Variants in DAB1 observed in about 807,000 individuals in gnomAD.
DAB1 encodes disabled homolog 1.
A neutral mutation model predicts 64.6 loss-of-function variants in DAB1; 15 were observed. The observed-to-expected ratio is 0.23, with a 90% CI of 0.16 to 0.36. The LOEUF (loss-of-function observed/expected upper bound fraction) is 0.36. Among genes scored for constraint, DAB1 ranks in the 10% least tolerant of loss-of-function variants. The probability of loss-of-function intolerance (pLI) is 1.00; values close to 1 mark genes in which losing one functional copy is unlikely to be tolerated. For missense variants in DAB1, 596 were observed against 706.7 expected (o/e 0.84, Z 1.78); for synonymous variants, 235 against 251.9 (o/e 0.93, Z 0.64).
At chr1:58,270,267 T>G (rs1007652460) in intron 4 of DAB1, among the ~76,000 whole-genome samples, 18 of 139,720 alleles carry the variant, frequency 1.3e-4, no homozygotes, top group Admixed American at 7.2e-5. Context: ...CCAGCACCAT[T>G]TATTAAATAG....
At chr1:57,462,713 G>A (rs781742021) in intron 7 of DAB1, among the ~76,000 whole-genome samples, 8 of 152,152 alleles carry the variant, frequency 5.3e-5, no homozygotes, top group Non-Finnish European at 1.0e-4. Context: ...TCTCGGGAGT[G>A]ATGGTGCTAA....
intron 2 of DAB1, among the ~76,000 whole-genome samples, chr1:57,272,370 G>A (rs1179637681): frequency 2.6e-5 from 4 of 152,270 alleles, no homozygotes; most frequent in Middle Eastern, 3.4e-3. Context: ...GGATGGATGC[G>A]CATCCCACAC....
intron 6 of DAB1, among the ~76,000 whole-genome samples, chr1:57,786,415 T>C (rs549341466): frequency 5.3e-5 from 8 of 152,296 alleles, no homozygotes; most frequent in East Asian, 3.9e-4. Flanking sequence ...TCTTTTCAAG[T>C]CTTAATTTTA....
At chr1:57,610,674 C>CA (rs1219352941) in intron 7 of DAB1, among the ~76,000 whole-genome samples, 1 of 152,188 alleles carries the variant, frequency 6.6e-6, no homozygotes, top group Non-Finnish European at 1.5e-5. Flanking sequence ...CTTCACAGGG[C>CA]AGCAGGAGAG....
chr1:58,118,503 T>TATATATATATATATATATACAC (rs1341446315), intron 5 of DAB1, among the ~76,000 whole-genome samples: 3 of 53,106 alleles, frequency 5.6e-5, no homozygotes, highest in Non-Finnish European at 8.8e-5. Flanking sequence ...TATATATATA[T>TATATATATATATATATATACAC]ACACACACAC....
intron 1 of DAB1, among the ~76,000 whole-genome samples, chr1:57,347,083 C>G (rs1031880792): frequency 2.6e-5 from 4 of 152,134 alleles, no homozygotes; most frequent in Admixed American, 2.0e-4. Flanking sequence ...TGTGATTACA[C>G]AAAGGCAGGA....
chr1:58,331,140 T>C (rs938686467), intron 4 of DAB1, among the ~76,000 whole-genome samples: 1 of 152,194 alleles, frequency 6.6e-6, no homozygotes, highest in South Asian at 2.1e-4. Flanking sequence ...TAACAGGCTG[T>C]TGGAAGAAGT....
intron 1 of DAB1, among the ~76,000 whole-genome samples, chr1:58,532,489 GT>G (rs1273917332): frequency 6.6e-6 from 1 of 152,110 alleles, no homozygotes; most frequent in African/African-American, 2.4e-5. Context: ...CTGCTTAGAC[GT>G]ATTCTTGTGT....
chr1:58,088,525 C>A (rs998193235), intron 5 of DAB1, among the ~76,000 whole-genome samples: 1 of 152,132 alleles, frequency 6.6e-6, no homozygotes, highest in African/African-American at 2.4e-5. Context: ...GTTTAGCACA[C>A]GCTTGACCCC....
At chr1:57,328,581 A>C (rs2100788607) in intron 1 of DAB1, among the ~76,000 whole-genome samples, 1 of 152,324 alleles carries the variant, frequency 6.6e-6, no homozygotes, top group East Asian at 1.9e-4. Flanking sequence ...GGTCACATTT[A>C]CTTCAAACAT....
chr1:58,158,717 C>T (rs1006238848), intron 4 of DAB1, among the ~76,000 whole-genome samples: 1 of 152,146 alleles, frequency 6.6e-6, no homozygotes, highest in Non-Finnish European at 1.5e-5. Context: ...AGATCATACC[C>T]CGGAAGGAGG....
intron 5 of DAB1, among the ~76,000 whole-genome samples, chr1:58,054,927 C>T (rs1030504146): frequency 6.6e-6 from 1 of 152,240 alleles, no homozygotes; most frequent in Admixed American, 6.5e-5. Flanking sequence ...CAGCCACATT[C>T]GTGAAGGCAT....
chr1:58,124,271 A>C (rs965922709), intron 5 of DAB1, among the ~76,000 whole-genome samples: 4 of 152,058 alleles, frequency 2.6e-5, no homozygotes, highest in African/African-American at 9.7e-5. Context: ...TCAAACAAAG[A>C]TGGTCAATTA....
chr1:57,548,309 A>G (rs548816178), intron 7 of DAB1, among the ~76,000 whole-genome samples: 47 of 152,276 alleles, frequency 3.1e-4, no homozygotes, highest in Non-Finnish European at 6.2e-4. Flanking sequence ...AATCTCAGTT[A>G]ACTTAATTGC....
At chr1:57,206,968 C>CTTTT (rs201111039) in intron 2 of DAB1, among the ~76,000 whole-genome samples, 1,550 of 84,374 alleles carry the variant, frequency 0.018, 20 homozygotes, top group Middle Eastern at 0.03. Flanking sequence ...TCCTTCCTTC[C>CTTTT]TTTTTTTTTT....
chr1:57,074,497 C>T (rs1174048558), intron 4 of DAB1, among the ~76,000 whole-genome samples: 2 of 152,158 alleles, frequency 1.3e-5, no homozygotes, highest in East Asian at 1.9e-4. Context: ...TGGTCATCGC[C>T]GTAGTTCTAG....
At chr1:58,005,544 T>A (rs1215159041) in intron 5 of DAB1, among the ~76,000 whole-genome samples, 1 of 148,120 alleles carries the variant, frequency 6.8e-6, no homozygotes, top group Non-Finnish European at 1.5e-5. Context: ...CTCGTGGGGA[T>A]CCTCAGTCCT....
intron 6 of DAB1, among the ~76,000 whole-genome samples, chr1:57,779,514 T>C (rs1649967483): frequency 6.6e-6 from 1 of 152,170 alleles, no homozygotes; most frequent in African/African-American, 2.4e-5. Context: ...TAAAATCTGA[T>C]TTCTGGTTTC....
At chr1:58,202,240 T>C (rs1658036302) in intron 4 of DAB1, among the ~76,000 whole-genome samples, 1 of 152,246 alleles carries the variant, frequency 6.6e-6, no homozygotes, top group Non-Finnish European at 1.5e-5. Context: ...CTTCTGACTT[T>C]AATTGAATGT....
Sources: allele counts gnomAD v4.1 joint callset (sites outside exome capture counted in the v4.1 genomes callset), GRCh38; gene constraint gnomAD v4.1.1; transcripts MANE v1.5; gene names NCBI Gene and HGNC (gene_info 2026-07-23, HGNC 2026-07-21).